KCNG2: variants seen among roughly 807,000 people sequenced by gnomAD.
KCNG2 encodes voltage-gated potassium channel regulatory subunit KCNG2.
A neutral mutation model predicts 12.3 loss-of-function variants in KCNG2; 7 were observed. The observed-to-expected ratio is 0.57, with a 90% CI of 0.32 to 1.07. The LOEUF is 1.07. KCNG2 is among the 50% of genes least tolerant of loss of function. The pLI is 0.04. For synonymous variants in KCNG2, 414 were observed against 351.4 expected (o/e 1.18, Z -1.99); for missense variants, 703 against 726.0 (o/e 0.97, Z 0.36).
intron 3 of KCNG2, among the ~76,000 whole-genome samples, chr18:79,881,038 T>G (rs1200356236): frequency 6.6e-6 from 1 of 152,228 alleles, no homozygotes; most frequent in African/African-American, 2.4e-5. Context: ...CCCGTTAAGA[T>G]TGGGACCAAC....
At position 79,842,496 on chromosome 18, in the gene KCNG2, A is replaced by G. The variant is rs557578864; in HGVS notation, c.-114-13883A>G. Among the ~76,000 whole-genome samples, 883 of 152,194 alleles carry G rather than the reference A, an allele frequency of 5.8e-3. 5 individuals are homozygous for G. Among genetic ancestry groups the G allele is most frequent in the Non-Finnish European group, 8.5e-3 (581 of 68,000 alleles). On this transcript the variant is annotated intron_variant, in intron 1 of 3. Transcript: ENST00000316249. ...CATCACCAAATACACAAAATAAAGC[A>G]CCAATAATGAAACCTAAAGAAATGG...
At chr18:79,868,437 C>T (rs1979698162) in intron 3 of KCNG2, among the ~76,000 whole-genome samples, 1 of 152,246 alleles carries the variant, frequency 6.6e-6, no homozygotes, top group Admixed American at 6.5e-5. Context: ...TGCATGGGGC[C>T]TGGTGACCCG....
chr18:79,869,631 C>T lies in KCNG2; in HGVS notation c.624+5340C>T, dbSNP rs367832988. 2.4e-4 allele frequency among the ~76,000 whole-genome samples: 37 copies of T among 152,290 alleles called. No homozygotes were observed. The Middle Eastern group carries it at 0.014, about 56-fold the overall frequency. ...TGGGCCTTTCCCAGGAGAGAAAATC[C>T]GTTCTATCCCAAACCCACAGCATCT... On this transcript the variant is annotated intron_variant, in intron 3 of 3. Coordinates refer to ENST00000316249, the MANE Select transcript of KCNG2 (RefSeq NM_012283.2).
chr18:79,899,003 G>A lies in KCNG2; in HGVS notation c.625-37G>A, dbSNP rs760304850. ...CAAGGCGCCCCCGGCCCTCCAAGAG[G>A]CCTGCGCCCCCAACCCCGTGTCCCC... On this transcript the variant is annotated intron_variant, in intron 3 of 3. Transcript: ENST00000316249. The A allele has an allele frequency of 6.9e-6, 10 of 1,448,030 alleles. No individual in the cohort carries two copies. The East Asian group carries it at 2.6e-4, about 38-fold the overall frequency. 89.7% of individuals were successfully genotyped at this position (1,448,030 alleles called of 1,614,324 possible). A position where few individuals can be genotyped will look rare whatever the true frequency, so the allele number is the denominator to read the frequency against.
chr18:79,853,296 G>A (rs1405517631), intron 1 of KCNG2, among the ~76,000 whole-genome samples: 1 of 152,232 alleles, frequency 6.6e-6, no homozygotes, highest in East Asian at 1.9e-4. Context: ...CTGGGCTTCA[G>A]CGTGAACCAA....
rs886760504 is a variant in KCNG2 at position 79,807,749 on chromosome 18, T to C, written c.-115+9735T>C. On this transcript the variant is annotated intron_variant, in intron 1 of 3. Transcript: ENST00000316249. ...CCACTGACGGGCACTCCATGTTATA[T>C]GCCCAGAGTCCTCGCCCTGAGGAGC... Among the ~76,000 whole-genome samples, 4 of 150,568 alleles carry C rather than the reference T, an allele frequency of 2.7e-5. No individual in the cohort carries two copies. In the South Asian group the frequency reaches 8.5e-4, roughly 32 times the overall value.
intron 1 of KCNG2, among the ~76,000 whole-genome samples, chr18:79,826,523 G>A (rs1978286178): frequency 1.4e-5 from 2 of 143,930 alleles, no homozygotes; most frequent in Non-Finnish European, 3.0e-5. Flanking sequence ...GGCGCGTTAC[G>A]TCATTACGTT....
chr18:79,860,680 TGC>T (rs988176682), intron 2 of KCNG2, among the ~76,000 whole-genome samples: 1 of 143,874 alleles, frequency 7.0e-6, no homozygotes, highest in African/African-American at 2.5e-5. Context: ...TGTGTGTGTG[TGC>T]GCATGTGTAT....
At chr18:79,872,707 G>C (rs1979898517) in intron 3 of KCNG2, among the ~76,000 whole-genome samples, 1 of 152,236 alleles carries the variant, frequency 6.6e-6, no homozygotes, top group Admixed American at 6.5e-5. Context: ...ATCCAGCTCT[G>C]GCTCTGACAG....
At chr18:79,812,953 T>C (rs2087503047) in intron 1 of KCNG2, among the ~76,000 whole-genome samples, 1 of 151,880 alleles carries the variant, frequency 6.6e-6, no homozygotes, top group African/African-American at 2.4e-5. Flanking sequence ...GTCAGGAGTT[T>C]GAGACCAGCC....
intron 3 of KCNG2, among the ~76,000 whole-genome samples, chr18:79,882,849 A>C (rs922716189): frequency 4.1e-5 from 6 of 147,466 alleles, no homozygotes; most frequent in African/African-American, 1.5e-4. Flanking sequence ...CTGCGCGTGG[A>C]GCGCGGAGGC....
At chr18:79,881,489 A>T (rs1481483181) in intron 3 of KCNG2, among the ~76,000 whole-genome samples, 1 of 152,260 alleles carries the variant, frequency 6.6e-6, no homozygotes, top group Non-Finnish European at 1.5e-5. Context: ...CAAATTTTTT[A>T]AAGTTCATTA....
chr18:79,813,689 G>T (rs991714899), intron 1 of KCNG2, among the ~76,000 whole-genome samples: 1 of 152,100 alleles, frequency 6.6e-6, no homozygotes, highest in African/African-American at 2.4e-5. Flanking sequence ...GGGACACAGG[G>T]GTAGGCAAAG....
At chr18:79,870,209 T>C (rs1979776610) in intron 3 of KCNG2, among the ~76,000 whole-genome samples, 2 of 152,236 alleles carry the variant, frequency 1.3e-5, no homozygotes, top group Non-Finnish European at 2.9e-5. Context: ...GAAGGCGCCC[T>C]GTGAACATAC....
chr18:79,818,099 C>T (rs2087543519), intron 1 of KCNG2, among the ~76,000 whole-genome samples: 1 of 152,232 alleles, frequency 6.6e-6, no homozygotes, highest in Non-Finnish European at 1.5e-5. Context: ...GAGGCAGCAC[C>T]TTCAGGCCAG....
At chr18:79,857,667 C>T (rs1443296196) in intron 2 of KCNG2, among the ~76,000 whole-genome samples, 2 of 151,956 alleles carry the variant, frequency 1.3e-5, no homozygotes, top group Non-Finnish European at 2.9e-5. Context: ...AAGGGCTTGA[C>T]GTTGGCGGTG....
intron 1 of KCNG2, among the ~76,000 whole-genome samples, chr18:79,850,484 A>G (rs750544575): frequency 2.6e-5 from 4 of 152,202 alleles, no homozygotes; most frequent in African/African-American, 9.6e-5. Context: ...TCTGAAGTCA[A>G]TTCTAGTCCA....
intron 1 of KCNG2, among the ~76,000 whole-genome samples, chr18:79,820,769 C>T (rs2087564452): frequency 6.6e-6 from 1 of 152,098 alleles, no homozygotes; most frequent in Non-Finnish European, 1.5e-5. Flanking sequence ...CCACCTCAGC[C>T]CCTGGAGCAG....
intron 3 of KCNG2, among the ~76,000 whole-genome samples, chr18:79,894,882 G>T (rs1422574565): frequency 6.7e-6 from 1 of 149,288 alleles, no homozygotes; most frequent in Non-Finnish European, 1.5e-5. Context: ...CTAATGGTAC[G>T]ATTGATATAG....
Sources: allele counts gnomAD v4.1 joint callset (sites outside exome capture counted in the v4.1 genomes callset), GRCh38; gene constraint gnomAD v4.1.1; transcripts MANE v1.5; gene names NCBI Gene and HGNC (gene_info 2026-07-23, HGNC 2026-07-21).